Variants in MSRA observed in about 807,000 individuals in gnomAD.
MSRA encodes the protein methionine sulfoxide reductase A, also known as mitochondrial peptide methionine sulfoxide reductase.
A neutral mutation model predicts 31.3 loss-of-function variants in MSRA; 54 were observed. The observed-to-expected ratio is 1.73, with a 90% CI of 1.39 to 2.17. MSRA has a LOEUF of 2.17. MSRA is among the 30% of genes most tolerant of loss of function. The pLI, the probability that MSRA is intolerant of heterozygous loss-of-function variation, is 0.00. For synonymous variants in MSRA, 169 were observed against 116.5 expected (o/e 1.45, Z -2.90); for missense variants, 507 against 300.9 (o/e 1.69, Z -5.07).
At chr8:10,297,197 G>A (rs1800591781) in intron 3 of MSRA, among the ~76,000 whole-genome samples, 3 of 152,072 alleles carry the variant, frequency 2.0e-5, no homozygotes, top group Admixed American at 6.6e-5. Context: ...TCTCTTCTTG[G>A]ATTGGATGCT....
chr8:10,362,461 C>CAAAAAAA (rs11388593), intron 5 of MSRA, among the ~76,000 whole-genome samples: 2 of 76,722 alleles, frequency 2.6e-5, no homozygotes, highest in Non-Finnish European at 5.1e-5. Context: ...ATACCATAAG[C>CAAAAAAA]AAAAAAAAAA....
At chr8:10,132,091 C>G (rs943554764) in intron 1 of MSRA, among the ~76,000 whole-genome samples, 1 of 152,166 alleles carries the variant, frequency 6.6e-6, no homozygotes, top group Non-Finnish European at 1.5e-5. Context: ...TGAAATGACT[C>G]CCACCTTGCC....
chr8:10,409,000 G>A (rs1247397418), intron 5 of MSRA, among the ~76,000 whole-genome samples: 1 of 152,194 alleles, frequency 6.6e-6, no homozygotes, highest in Non-Finnish European at 1.5e-5. Context: ...CCATATCCTT[G>A]CTGCAGTGTG....
intron 5 of MSRA, among the ~76,000 whole-genome samples, chr8:10,323,043 T>C (rs545289061): frequency 2.7e-5 from 4 of 147,762 alleles, no homozygotes; most frequent in African/African-American, 1.0e-4. Flanking sequence ...TGAGCTGAGA[T>C]TGCATTACTA....
intron 1 of MSRA, among the ~76,000 whole-genome samples, chr8:10,114,025 A>T (rs925777927): frequency 2.0e-5 from 3 of 152,092 alleles, no homozygotes; most frequent in Non-Finnish European, 4.4e-5. Flanking sequence ...GGATTTGTCT[A>T]TTCTGGACCT....
intron 2 of MSRA, among the ~76,000 whole-genome samples, chr8:10,230,368 A>G (rs141640390): frequency 6.6e-6 from 1 of 152,250 alleles, no homozygotes; most frequent in Non-Finnish European, 1.5e-5. Flanking sequence ...TCAGGTGGAG[A>G]TGGGGGTGTA....
chr8:10,354,748 G>GTATA lies in MSRA; in HGVS notation c.543+34760_543+34761insATAT, dbSNP rs1477165567. On this transcript the variant is annotated intron_variant, in intron 5 of 5. Transcript: ENST00000317173. ...AGTTATGTAATATGTGTGTGTGTGT[G>GTATA]TGTATATATATATATATATATATAT... Among the ~76,000 whole-genome samples the GTATA allele has an allele frequency of 2.3e-3, 297 of 128,966 alleles. 2 individuals carry two copies. The highest frequency in any genetic ancestry group is 8.5e-3 in the African/African-American group (284 of 33,232). The allele number at this position is 128,966 out of a possible 152,430, so 84.6% of individuals were successfully genotyped here. A position where few individuals can be genotyped will look rare whatever the true frequency, so the allele number is the denominator to read the frequency against.
At chr8:10,344,901 C>A (rs1404205874) in intron 5 of MSRA, among the ~76,000 whole-genome samples, 1 of 152,150 alleles carries the variant, frequency 6.6e-6, no homozygotes, top group Non-Finnish European at 1.5e-5. Flanking sequence ...TGGTTTAAGA[C>A]AAAAATAATT....
chr8:10,344,104 G>C (rs1003838221), intron 5 of MSRA, among the ~76,000 whole-genome samples: 13 of 152,180 alleles, frequency 8.5e-5, no homozygotes, highest in African/African-American at 3.1e-4. Flanking sequence ...TCTCCCTCTT[G>C]CTAAGGAAGT....
chr8:10,384,468 C>G (rs1246401307), intron 5 of MSRA, among the ~76,000 whole-genome samples: 1 of 152,214 alleles, frequency 6.6e-6, no homozygotes, highest in East Asian at 1.9e-4. Flanking sequence ...CTTTCTCTCT[C>G]CTGGTGGAGA....
At chr8:10,335,159 C>G (rs939393288) in intron 5 of MSRA, among the ~76,000 whole-genome samples, 7 of 151,820 alleles carry the variant, frequency 4.6e-5, no homozygotes, top group Non-Finnish European at 1.0e-4. Context: ...ATCAGCTTCT[C>G]CATGGAATGG....
chr8:10,138,666 C>A (rs895049445), intron 1 of MSRA, among the ~76,000 whole-genome samples: 9 of 152,144 alleles, frequency 5.9e-5, no homozygotes, highest in African/African-American at 2.2e-4. Context: ...AGACTCTAAA[C>A]ACATTTATTT....
At chr8:10,288,247 C>T (rs995870284) in intron 3 of MSRA, among the ~76,000 whole-genome samples, 4 of 152,198 alleles carry the variant, frequency 2.6e-5, no homozygotes, top group Non-Finnish European at 5.9e-5. Flanking sequence ...AGTCCCCTTC[C>T]ATTAAATTTA....
chr8:10,355,736 T>C (rs1394059011), intron 5 of MSRA, among the ~76,000 whole-genome samples: 3 of 152,098 alleles, frequency 2.0e-5, no homozygotes, highest in Non-Finnish European at 2.9e-5. Flanking sequence ...GTGGTGGTCC[T>C]GGGTGAGGGT....
In MSRA at chr8:10,197,523, A is replaced by G. The variant is rs1025487375; in HGVS notation, c.143-10310A>G. On this transcript the variant is annotated intron_variant, in intron 1 of 5. Coordinates refer to ENST00000317173, the MANE Select transcript of MSRA (RefSeq NM_012331.5). ...TTGCGGGCTGGTGAAGGCTGGAGAG[A>G]GGGCCAGGGTTGTCTTTCCGTCTGT... Among the ~76,000 whole-genome samples, 5 of 152,074 alleles carry G rather than the reference A, an allele frequency of 3.3e-5. 1 individual carries two copies.
At chr8:10,414,929 A>C (rs11775625) in intron 5 of MSRA, among the ~76,000 whole-genome samples, 1 of 152,034 alleles carries the variant, frequency 6.6e-6, no homozygotes, top group Non-Finnish European at 1.5e-5. Context: ...GAGAAGATCC[A>C]TGTCTCCCGA....
chr8:10,061,960 A>G (rs1797216542), intron 1 of MSRA, among the ~76,000 whole-genome samples: 1 of 152,164 alleles, frequency 6.6e-6, no homozygotes, highest in Non-Finnish European at 1.5e-5. Context: ...TTGGCCTGCG[A>G]TCTTCAGGCT....
At chr8:10,148,345 A>G (rs1803344303) in intron 1 of MSRA, among the ~76,000 whole-genome samples, 1 of 151,186 alleles carries the variant, frequency 6.6e-6, no homozygotes, top group South Asian at 2.1e-4. Context: ...TGTTGTTTTT[A>G]AAATTAGGAA....
At chr8:10,303,763 G>T (rs1181575449) in intron 4 of MSRA, among the ~76,000 whole-genome samples, 1 of 152,154 alleles carries the variant, frequency 6.6e-6, no homozygotes, top group African/African-American at 2.4e-5. Context: ...GGTAGGGCGA[G>T]AGATCCTCCG....
Sources: gnomAD v4.1 joint callset for allele counts (sites outside exome capture counted in the v4.1 genomes callset) on GRCh38, gnomAD v4.1.1 for gene constraint, MANE v1.5 for transcripts, NCBI Gene and HGNC (gene_info 2026-07-23, HGNC 2026-07-21) for gene names.